Variants in EIF3L observed in about 807,000 individuals in gnomAD.
EIF3L encodes the protein eIEF associated protein HSPC021.
A neutral mutation model predicts 74.6 loss-of-function variants in EIF3L; 32 were observed. That is an observed-to-expected ratio of 0.43 (90% CI 0.32 to 0.58). EIF3L has a LOEUF of 0.58. EIF3L is among the 20% of genes least tolerant of loss of function. The pLI is 0.06. For missense variants in EIF3L, 474 were observed against 707.8 expected, an observed-to-expected ratio of 0.67 and a Z score of 3.75; for synonymous variants, 256 against 254.4, an observed-to-expected ratio of 1.01 and a Z score of -0.06.
chr22:37,863,428 C>T lies in EIF3L; in HGVS notation c.579+83C>T, dbSNP rs1925969194. On this transcript the variant is annotated intron_variant, in intron 7 of 12. Coordinates refer to ENST00000652021, the MANE Select transcript of EIF3L (RefSeq NM_016091.4). ...TACTATTGTTTGTGTAAAAAAGCTG[C>T]AGGGTGTAAAAATATCCCCATTGTA... is the stretch of plus-strand genomic sequence containing the variant. The T allele has an allele frequency of 2.0e-5, 24 of 1,184,752 alleles. No individual in the cohort carries two copies. The South Asian group carries it at 2.8e-4, about 14-fold the overall frequency. 73.4% of individuals were successfully genotyped at this position (1,184,752 alleles called of 1,614,324 possible).
chr22:37,880,091 G>T (rs1226827849), intron 11 of EIF3L: 1 of 151,482 alleles, frequency 6.6e-6, no homozygotes, highest in Non-Finnish European at 1.5e-5. Flanking sequence ...GTGAGCCATC[G>T]CGCCCGGTAT....
rs1291657146 is a variant in EIF3L at position 37,850,018 on chromosome 22, G to A, written c.37G>A (p.Ala13Thr). ...GACTGTGTCTCTTTCCTTCTAGGCG[G>A]CTTATGACCCCTACGCTTATCCCAG... ...YPADDYESEA[A>T]YDPYAYPSDY... is the part of the protein sequence containing the mutation. Residue 13 changes from alanine to threonine, a missense_variant, in exon 2 of 13, where the codon GCT becomes ACT. Around this residue, in one of 4 missense-constraint regions of EIF3L, gnomAD observed 39 missense variants for 24.2 expected, o/e 1.61. Coordinates refer to ENST00000652021, the MANE Select transcript of EIF3L (RefSeq NM_016091.4). 1.2e-6 allele frequency: 2 copies of A among 1,613,680 alleles called. No individual in the cohort carries two copies. Among genetic ancestry groups the A allele is most frequent in the Non-Finnish European group, 1.7e-6 (2 of 1,179,784 alleles).
Position 37,888,536 on chromosome 22 carries a change from CT to C in EIF3L, c.*75del. 6.7e-7 allele frequency: 1 copy of C among 1,502,250 alleles called. No homozygotes were observed. The highest frequency in any genetic ancestry group is 9.2e-7 in the Non-Finnish European group (1 of 1,082,270). The allele number at this position is 1,502,250 out of a possible 1,614,324, so 93.1% of individuals were successfully genotyped here. A position where few individuals can be genotyped will look rare whatever the true frequency, so the allele number is the denominator to read the frequency against. On this transcript the variant is annotated 3_prime_UTR_variant, in exon 13 of 13. Coordinates refer to ENST00000652021, the MANE Select transcript of EIF3L (RefSeq NM_016091.4). ...GGAAGTGTTTTTGCTACCGTGAAAC[CT>C]TTACCTAGATCAGCCATCAGCCTGT...
At chr22:37,850,978 C>A (rs181751586) in intron 2 of EIF3L, among the ~76,000 whole-genome samples, 117 of 152,326 alleles carry the variant, frequency 7.7e-4, no homozygotes, top group African/African-American at 2.7e-3. Flanking sequence ...TCCCCTCCAA[C>A]GCACACTTTT....
intron 12 of EIF3L, 195 bp from the exon 13 acceptor site, chr22:37,888,231 A>AG: frequency 1.8e-6 from 1 of 552,116 alleles, no homozygotes; most frequent in Non-Finnish European, 3.2e-6. Context: ...GGGCAGATAA[A>AG]AGAATAATCC....
At chr22:37,855,527 C>T in intron 3 of EIF3L, 38 bp from the exon 4 acceptor site, 5 of 1,581,442 alleles carry the variant, frequency 3.2e-6, no homozygotes, top group Non-Finnish European at 3.5e-6. Context: ...ATTCTCCAGT[C>T]CTTTTGGAAT....
chr22:37,858,252 G>A (rs1433224265), intron 4 of EIF3L, among the ~76,000 whole-genome samples: 1 of 120,088 alleles, frequency 8.3e-6, no homozygotes, highest in Non-Finnish European at 1.7e-5. Context: ...TTTGACATGG[G>A]GGTCTCACTG....
intron 7 of EIF3L, among the ~76,000 whole-genome samples, chr22:37,865,438 G>A (rs1273970380): frequency 6.6e-6 from 1 of 151,494 alleles, no homozygotes; most frequent in Non-Finnish European, 1.5e-5. Context: ...CCAGCCTGGC[G>A]ACAGAGTGAG....
chr22:37,863,893 G>A (rs990666647), intron 7 of EIF3L, among the ~76,000 whole-genome samples: 1 of 151,964 alleles, frequency 6.6e-6, no homozygotes. Context: ...GTGAAACCCC[G>A]TCTCTACTGA....
intron 3 of EIF3L, 93 bp from the exon 4 acceptor site, chr22:37,855,472 C>T: frequency 8.8e-7 from 1 of 1,139,046 alleles, no homozygotes; most frequent in Non-Finnish European, 1.3e-6. Context: ...TGACATCTTC[C>T]CCTTTCTAAG....
chr22:37,859,807 C>T (rs1049749249), intron 5 of EIF3L, among the ~76,000 whole-genome samples: 6 of 151,992 alleles, frequency 3.9e-5, no homozygotes, highest in Non-Finnish European at 8.8e-5. Context: ...AATTTGAGAC[C>T]AGCCTGGCCA....
chr22:37,864,001 C>G (rs747109426), intron 7 of EIF3L, among the ~76,000 whole-genome samples: 1 of 151,810 alleles, frequency 6.6e-6, no homozygotes, highest in Non-Finnish European at 1.5e-5. Context: ...GGAGGCGGAG[C>G]TTGCAGTGAG....
chr22:37,849,563 A>G, intron 1 of EIF3L, 81 bp downstream of exon 1: 1 of 1,477,446 alleles, frequency 6.8e-7, no homozygotes, highest in South Asian at 1.3e-5. Context: ...GGCGCGAGGC[A>G]GCTTCCGGGT....
At chr22:37,874,287 T>A in intron 8 of EIF3L, 83 bp from the exon 9 acceptor site, 1 of 1,410,972 alleles carries the variant, frequency 7.1e-7, no homozygotes, top group East Asian at 2.5e-5. Context: ...GTAGGTGAGA[T>A]GCCTACTGAG....
At chr22:37,872,137 T>C (rs1377557784) in intron 8 of EIF3L, among the ~76,000 whole-genome samples, 2 of 151,998 alleles carry the variant, frequency 1.3e-5, no homozygotes, top group Non-Finnish European at 2.9e-5. Flanking sequence ...TTTTTTTTCC[T>C]GAGACAGAAT....
At chr22:37,856,346 G>A (rs1030140037) in intron 4 of EIF3L, among the ~76,000 whole-genome samples, 5 of 152,044 alleles carry the variant, frequency 3.3e-5, no homozygotes, top group African/African-American at 1.2e-4. Flanking sequence ...CAAAGTGCTA[G>A]GATTATAGGC....
chr22:37,866,310 C>G (rs906598660), intron 7 of EIF3L, among the ~76,000 whole-genome samples: 1 of 152,112 alleles, frequency 6.6e-6, no homozygotes, highest in Non-Finnish European at 1.5e-5. Context: ...ATATACCATG[C>G]CTCTGATGAT....
intron 10 of EIF3L, 199 bp downstream of exon 10, chr22:37,876,210 G>T (rs996624256): frequency 3.4e-5 from 18 of 536,184 alleles, no homozygotes; most frequent in African/African-American, 9.7e-5. Flanking sequence ...GCTCACGTCA[G>T]CCTCAACCTC....
At chr22:37,870,113 G>A in intron 7 of EIF3L, 63 bp from the exon 8 acceptor site, 1 of 1,436,594 alleles carries the variant, frequency 7.0e-7, no homozygotes. Flanking sequence ...TTTCAGCATT[G>A]TGGACATGGA....
Sources: gnomAD v4.1 joint callset for allele counts (sites outside exome capture counted in the v4.1 genomes callset) on GRCh38, gnomAD v4.1.1 for gene constraint, gnomAD v4.1.1 regional missense constraint, MANE v1.5 for transcripts, NCBI Gene and HGNC (gene_info 2026-07-23, HGNC 2026-07-21) for gene names.